ODAD2: variants seen among roughly 807,000 people sequenced by gnomAD.
ODAD2 encodes the protein outer dynein arm docking complex subunit 2.
A neutral mutation model predicts 106.8 loss-of-function variants in ODAD2; 89 were observed. The observed-to-expected ratio is 0.83, with a 90% CI of 0.70 to 0.99. The LOEUF (loss-of-function observed/expected upper bound fraction) is 0.99. Among genes scored for constraint, ODAD2 ranks in the 50% least tolerant of loss-of-function variants. The pLI is 0.00. For synonymous variants in ODAD2, 404 were observed against 436.2 expected (o/e 0.93, Z 0.92); for missense variants, 1,168 against 1,238.5 (o/e 0.94, Z 0.85).
intron 17 of ODAD2, among the ~76,000 whole-genome samples, chr10:27,894,943 A>T (rs531857944): frequency 1.3e-5 from 2 of 151,994 alleles, no homozygotes; most frequent in East Asian, 3.9e-4. Flanking sequence ...ATTATGATAT[A>T]TCCATACAAT....
At chr10:27,937,860 CATATATACAA>C (rs1473827164) in intron 14 of ODAD2, among the ~76,000 whole-genome samples, 1 of 152,184 alleles carries the variant, frequency 6.6e-6, no homozygotes, top group African/African-American at 2.4e-5. Flanking sequence ...TCTGATGAGG[CATATATACAA>C]ATATATACAA....
chr10:27,815,197 G>T (rs768895834), intron 19 of ODAD2, among the ~76,000 whole-genome samples: 43 of 152,112 alleles, frequency 2.8e-4, no homozygotes, highest in Non-Finnish European at 2.5e-4. Context: ...CCATCCACTT[G>T]TATTCTTCAT....
intron 14 of ODAD2, among the ~76,000 whole-genome samples, chr10:27,939,384 G>A (rs962882693): frequency 6.6e-6 from 1 of 151,092 alleles, no homozygotes; most frequent in Non-Finnish European, 1.5e-5. Flanking sequence ...CAGGACAATG[G>A]TTCTTAGACC....
At chr10:27,901,802 A>T (rs796551242) in intron 17 of ODAD2, among the ~76,000 whole-genome samples, 70 of 152,308 alleles carry the variant, frequency 4.6e-4, no homozygotes, top group African/African-American at 1.6e-3. Flanking sequence ...GAGCACCCAG[A>T]TTCATAAAAC....
At chr10:27,828,501 A>C (rs778798446) in intron 19 of ODAD2, among the ~76,000 whole-genome samples, 29 of 152,202 alleles carry the variant, frequency 1.9e-4, no homozygotes, top group Non-Finnish European at 3.5e-4. Flanking sequence ...ACTACAGGTA[A>C]GTTTGTAGGT....
chr10:27,864,059 T>A (rs1458817180), intron 17 of ODAD2, among the ~76,000 whole-genome samples: 1 of 151,924 alleles, frequency 6.6e-6, no homozygotes, highest in Non-Finnish European at 1.5e-5. Context: ...AATTACAGGG[T>A]GCAGGGTTGG....
intron 6 of ODAD2, among the ~76,000 whole-genome samples, chr10:27,982,277 G>A (rs1163272606): frequency 6.6e-6 from 1 of 152,050 alleles, no homozygotes; most frequent in Non-Finnish European, 1.5e-5. Context: ...CGTATGACCA[G>A]TGTGTTTTAA....
chr10:27,890,749 G>C (rs1842502121), intron 17 of ODAD2, among the ~76,000 whole-genome samples: 1 of 141,930 alleles, frequency 7.0e-6, no homozygotes, highest in Non-Finnish European at 1.5e-5. Context: ...GTCCCCACTT[G>C]AAAATCTGGT....
chr10:27,910,117 T>C (rs1235854273), intron 16 of ODAD2, among the ~76,000 whole-genome samples: 1 of 152,200 alleles, frequency 6.6e-6, no homozygotes, highest in Non-Finnish European at 1.5e-5. Context: ...AACTTGGTTT[T>C]CTGTCCTCAG....
intron 19 of ODAD2, among the ~76,000 whole-genome samples, chr10:27,854,614 G>C (rs1333157865): frequency 6.6e-6 from 1 of 152,022 alleles, no homozygotes. Flanking sequence ...AAATTAGCCC[G>C]GTGTGGTGGT....
chr10:27,840,055 A>G (rs904275823), intron 19 of ODAD2, among the ~76,000 whole-genome samples: 2 of 152,210 alleles, frequency 1.3e-5, no homozygotes, highest in Non-Finnish European at 2.9e-5. Flanking sequence ...GCCTTATGAA[A>G]GAGTTCTTTA....
intron 19 of ODAD2, among the ~76,000 whole-genome samples, chr10:27,816,449 G>A (rs1465646407): frequency 6.6e-6 from 1 of 152,112 alleles, no homozygotes; most frequent in Non-Finnish European, 1.5e-5. Flanking sequence ...GCATAACACA[G>A]AGGAAATAGA....
At chr10:27,851,548 A>G (rs550382312) in intron 19 of ODAD2, among the ~76,000 whole-genome samples, 3 of 152,132 alleles carry the variant, frequency 2.0e-5, no homozygotes, top group African/African-American at 4.8e-5. Flanking sequence ...CAGATGTAAA[A>G]CACACTAGAT....
chr10:27,864,358 A>C (rs1415364907), intron 17 of ODAD2, among the ~76,000 whole-genome samples: 1 of 146,654 alleles, frequency 6.8e-6, no homozygotes, highest in Non-Finnish European at 1.5e-5. Flanking sequence ...ACCCACAGAC[A>C]TTTAAGTGGA....
intron 17 of ODAD2, among the ~76,000 whole-genome samples, chr10:27,879,778 A>T (rs1321456107): frequency 6.6e-6 from 1 of 152,206 alleles, no homozygotes; most frequent in Admixed American, 6.5e-5. Flanking sequence ...CTCATAATGA[A>T]TGTAAAATAT....
At chr10:27,815,718 A>C (rs1756386001) in intron 19 of ODAD2, among the ~76,000 whole-genome samples, 1 of 152,162 alleles carries the variant, frequency 6.6e-6, no homozygotes, top group African/African-American at 2.4e-5. Context: ...GTTAGAGTTC[A>C]TCAGAACAAA....
Position 27,881,314 on chromosome 10 carries a change from G to C in ODAD2, c.2611-18692C>G, listed in dbSNP as rs79110720. Among the ~76,000 whole-genome samples the C allele has an allele frequency of 5.5e-3, 843 of 151,916 alleles. 4 individuals carry two copies. Among genetic ancestry groups the C allele is most frequent in the Non-Finnish European group, 9.3e-3 (634 of 67,974 alleles). ...AATGTGTTCAAAATATATAACTCAG[G>C]TAACAACAAACATTGTACTGTATAT... On this transcript the variant is annotated intron_variant, in intron 17 of 19. Coordinates refer to ENST00000305242, the MANE Select transcript of ODAD2 (RefSeq NM_018076.5).
intron 10 of ODAD2, among the ~76,000 whole-genome samples, chr10:27,951,594 A>G (rs1847329703): frequency 2.0e-5 from 3 of 152,092 alleles, no homozygotes; most frequent in Non-Finnish European, 4.4e-5. Context: ...ATTATACATA[A>G]AGTGAATTCC....
intron 19 of ODAD2, among the ~76,000 whole-genome samples, chr10:27,825,048 C>T (rs555335341): frequency 6.6e-6 from 1 of 152,290 alleles, no homozygotes; most frequent in Non-Finnish European, 1.5e-5. Context: ...CCTTATTTCC[C>T]ACAGCCTCCC....
Sources: allele counts gnomAD v4.1 joint callset (sites outside exome capture counted in the v4.1 genomes callset), GRCh38; gene constraint gnomAD v4.1.1; transcripts MANE v1.5; gene names NCBI Gene and HGNC (gene_info 2026-07-23, HGNC 2026-07-21).